TIMM23B: variants seen among roughly 807,000 people sequenced by gnomAD.
TIMM23B encodes mitochondrial import inner membrane translocase subunit Tim23B.
TIMM23B carries 27 observed loss-of-function variants against 27.3 expected under a neutral mutation model. The ratio of observed to expected loss-of-function variants is 0.99; its 90% confidence interval spans 0.73 to 1.36. The LOEUF is 1.36. Among genes scored for constraint, TIMM23B ranks in the 40% most tolerant of loss-of-function variants. The pLI is 0.00. For missense variants in TIMM23B, 205 were observed against 244.2 expected, an observed-to-expected ratio of 0.84 and a Z score of 1.07; for synonymous variants, 73 against 92.4, an observed-to-expected ratio of 0.79 and a Z score of 1.21.
intron 6 of TIMM23B, chr10:49,970,011 C>T (rs180676424): frequency 0.013 from 2,200 of 167,340 alleles, 65 homozygotes; most frequent in African/African-American, 0.05. Flanking sequence ...CCGGGCTGGT[C>T]TCCAGCTCCT....
intron 2 of TIMM23B, among the ~76,000 whole-genome samples, chr10:49,947,270 T>C (rs1400797037): frequency 6.6e-6 from 1 of 152,210 alleles, no homozygotes; most frequent in African/African-American, 2.4e-5. Flanking sequence ...GTTGATAAAT[T>C]GTATTTAATC....
In TIMM23B at chr10:49,942,173, C is replaced by T. The variant is rs1839132297; in HGVS notation, c.-22C>T. 6 of 1,568,686 alleles carry T rather than the reference C, an allele frequency of 3.8e-6. No homozygotes were observed. The Admixed American group carries it at 7.3e-5, about 19-fold the overall frequency. ...CCCAGGCTTGAGGCAGCGGCGGGAA[C>T]CACTCGGTTTGCTGCGATACCATGG... is the stretch of plus-strand genomic sequence containing the variant. On this transcript the variant is annotated 5_prime_UTR_variant, in exon 1 of 7. Transcript: ENST00000651259.
At chr10:49,971,127 C>A (rs1418097545) in intron 6 of TIMM23B, among the ~76,000 whole-genome samples, 27 of 152,234 alleles carry the variant, frequency 1.8e-4, no homozygotes, top group African/African-American at 6.3e-4. Flanking sequence ...TGCTTGAAGG[C>A]AGCATGCTCC....
chr10:49,962,906 T>A lies in TIMM23B; in HGVS notation c.514+4426T>A, dbSNP rs1217194684. Among the ~76,000 whole-genome samples, 36 of 144,066 alleles carry A rather than the reference T, an allele frequency of 2.5e-4. 3 individuals carry two copies. Among genetic ancestry groups the A allele is most frequent in the Non-Finnish European group, 6.3e-5 (4 of 63,170 alleles). 94.5% of individuals were successfully genotyped at this position (144,066 alleles called of 152,430 possible). On this transcript the variant is annotated intron_variant, in intron 6 of 6. Transcript: ENST00000651259. ...GCATCTACCATCACTTTTTTTTTTT[T>A]TTGAGACAGAGTTTCACTCTCGTTG...
At chr10:49,969,823 G>T (rs1321396393) in intron 6 of TIMM23B, among the ~76,000 whole-genome samples, 4 of 150,940 alleles carry the variant, frequency 2.7e-5, no homozygotes, top group Non-Finnish European at 5.9e-5. Flanking sequence ...TCTTTCCATG[G>T]TCTCCCTCTG....
At chr10:49,969,774 G>A (rs1456981145) in intron 6 of TIMM23B, among the ~76,000 whole-genome samples, 5 of 151,086 alleles carry the variant, frequency 3.3e-5, no homozygotes, top group Admixed American at 6.6e-5. Context: ...CTCTCCCCAC[G>A]GTCTCCCTCT....
intron 3 of TIMM23B, 71 bp downstream of exon 3, chr10:49,952,290 A>G (rs1839556654): frequency 1.5e-5 from 22 of 1,498,832 alleles, no homozygotes; most frequent in African/African-American, 2.8e-5. Context: ...ATCAAAAGCA[A>G]TTAGAATGTT....
intron 5 of TIMM23B, among the ~76,000 whole-genome samples, chr10:49,956,745 T>A (rs1385806233): frequency 4.1e-5 from 6 of 147,292 alleles, no homozygotes; most frequent in Non-Finnish European, 9.1e-5. Flanking sequence ...ATTCAGATGG[T>A]ACAAATGCTC....
chr10:49,942,289 C>T lies in TIMM23B; in HGVS notation c.95C>T (p.Ala32Val), dbSNP rs2133035192. ...GEAGYSHADL[A>V]GVPLTGMNPL... ...GCAGGTTACTCGCACGCGGATTTGG[C>T]TGGCGTCCCGCGTAAGTATGGGGCC... is the stretch of plus-strand genomic sequence containing the variant. The change falls in exon 1 of 7, where the codon GCT becomes GTT. Residue 32 changes from alanine (A) to valine (V), a missense_variant. Transcript: ENST00000651259. 6.2e-7 allele frequency: 1 copy of T among 1,611,166 alleles called. No individual in the cohort carries two copies. The highest frequency in any genetic ancestry group is 1.7e-5 in the Admixed American group (1 of 59,764).
chr10:49,962,636 C>G (rs1273060297), intron 6 of TIMM23B, among the ~76,000 whole-genome samples: 7 of 152,252 alleles, frequency 4.6e-5, no homozygotes, highest in African/African-American at 1.4e-4. Flanking sequence ...GTTACCATTT[C>G]CTAGAACAAT....
At chr10:49,950,867 CTG>C (rs1839508896) in intron 2 of TIMM23B, among the ~76,000 whole-genome samples, 1 of 152,224 alleles carries the variant, frequency 6.6e-6, no homozygotes, top group African/African-American at 2.4e-5. Context: ...AATTAGTGAT[CTG>C]TTTCTGTATT....
At chr10:49,945,553 G>A (rs2133048289) in intron 2 of TIMM23B, among the ~76,000 whole-genome samples, 1 of 152,146 alleles carries the variant, frequency 6.6e-6, no homozygotes, top group East Asian at 1.9e-4. Flanking sequence ...GCTAATTTTT[G>A]TGTTCTCAAT....
rs1454769371 is a variant in TIMM23B, at chr10:49,947,482, G to A, written c.165+2392G>A. 5.3e-5 allele frequency among the ~76,000 whole-genome samples: 8 copies of A among 151,838 alleles called. No homozygotes were observed. In the East Asian group the frequency reaches 7.8e-4, roughly 15 times the overall value. On this transcript the variant is annotated intron_variant, in intron 2 of 6. Transcript: ENST00000651259. ...AAATTAGCCAGGCGTGGTGCTGGGCGCCTGTAATCCCAGCTACTTGGGAGG... is the reference window on the plus strand; with the variant it reads ...AAATTAGCCAGGCGTGGTGCTGGGCACCTGTAATCCCAGCTACTTGGGAGG...
At chr10:49,943,217 T>G (rs1839215794) in intron 1 of TIMM23B, 1 of 152,142 alleles carries the variant, frequency 6.6e-6, no homozygotes, top group Non-Finnish European at 1.5e-5. Flanking sequence ...GTTTCGTTTT[T>G]TTTTTGTTTG....
chr10:49,949,036 C>T (rs1839439389), intron 2 of TIMM23B, among the ~76,000 whole-genome samples: 1 of 152,068 alleles, frequency 6.6e-6, no homozygotes, highest in African/African-American at 2.4e-5. Flanking sequence ...TGCAGATGAA[C>T]ACCACCATGC....
chr10:49,969,499 C>T (rs1432651039), intron 6 of TIMM23B, among the ~76,000 whole-genome samples: 3 of 150,264 alleles, frequency 2.0e-5, no homozygotes, highest in Non-Finnish European at 4.4e-5. Context: ...GGACAGATTG[C>T]TTGAGCCCAG....
chr10:49,947,626 A>G (rs1352301765), intron 2 of TIMM23B, among the ~76,000 whole-genome samples: 7 of 151,604 alleles, frequency 4.6e-5, no homozygotes, highest in Non-Finnish European at 7.4e-5. Context: ...AAATAAATAA[A>G]TAAATAAAGA....
At position 49,961,323 on chromosome 10, in the gene TIMM23B, C is replaced by T. The variant is rs1309481053; in HGVS notation, c.514+2843C>T. ...GCTTGAACCTGGGAGGTGGAGGTTG[C>T]GGTGAGGCAAGATCACGCCACTGCA... On this transcript the variant is annotated intron_variant, in intron 6 of 6. Coordinates refer to ENST00000651259, the MANE Select transcript of TIMM23B (RefSeq NM_001290117.2). 5.9e-5 allele frequency among the ~76,000 whole-genome samples: 8 copies of T among 136,732 alleles called. No homozygotes were observed. In the East Asian group the frequency reaches 6.4e-4, roughly 11 times the overall value. 89.7% of individuals were successfully genotyped at this position (136,732 alleles called of 152,430 possible).
intron 6 of TIMM23B, among the ~76,000 whole-genome samples, chr10:49,961,321 T>G (rs1839890967): frequency 7.0e-6 from 1 of 142,162 alleles, no homozygotes; most frequent in Non-Finnish European, 1.5e-5. Flanking sequence ...AGGTGGAGGT[T>G]GCGGTGAGGC....
Sources: allele counts gnomAD v4.1 joint callset (sites outside exome capture counted in the v4.1 genomes callset), GRCh38; gene constraint gnomAD v4.1.1; transcripts MANE v1.5; gene names NCBI Gene and HGNC (gene_info 2026-07-23, HGNC 2026-07-21).